Variants in DPP6 observed in about 807,000 individuals in gnomAD.
DPP6 encodes the protein A-type potassium channel modulatory protein DPP6.
DPP6 carries 69 observed loss-of-function variants against 122.6 expected under a neutral mutation model. The ratio of observed to expected loss-of-function variants is 0.56; its 90% confidence interval spans 0.46 to 0.69. The LOEUF is 0.69. DPP6 is among the 30% of genes least tolerant of loss of function. The pLI, the probability that DPP6 is intolerant of heterozygous loss-of-function variation, is 0.00. For missense variants in DPP6, 928 were observed against 1,116.9 expected (o/e 0.83, Z 2.41); for synonymous variants, 418 against 433.1 (o/e 0.97, Z 0.43).
rs1028534891 is a variant in DPP6 at position 154,282,153 on chromosome 7, A to G, written c.244-164061A>G. On this transcript the variant is annotated intron_variant, in intron 1 of 25. Coordinates refer to ENST00000377770, the MANE Select transcript of DPP6 (RefSeq NM_130797.4). The surrounding 1 kb of genome is among the most constrained non-coding windows in gnomAD (Gnocchi z 4.8). The stretch of plus-strand genomic sequence containing the variant: ...CTGGCACAGTGCCTGGCATGTTCTA[A>G]CCATCTATAATTTTATTCTTTTTTC... Among the ~76,000 whole-genome samples the G allele has an allele frequency of 2.0e-5, 3 of 152,090 alleles. No individual in the cohort carries two copies. Among genetic ancestry groups the G allele is most frequent in the South Asian group, 2.1e-4 (1 of 4,802 alleles).
intron 2 of DPP6, among the ~76,000 whole-genome samples, chr7:154,470,629 T>A (rs1822180311): frequency 6.6e-6 from 1 of 152,198 alleles, no homozygotes; most frequent in Non-Finnish European, 1.5e-5. Flanking sequence ...CTGAGAAATT[T>A]GCATTACACA....
chr7:154,883,276 A>ACC (rs200881893), intron 21 of DPP6, among the ~76,000 whole-genome samples: 2 of 128,928 alleles, frequency 1.6e-5, no homozygotes, highest in East Asian at 2.8e-4. Flanking sequence ...TCTCACACAC[A>ACC]TGCTCACACA....
chr7:154,462,826 G>C (rs1452248981), intron 2 of DPP6, among the ~76,000 whole-genome samples: 1 of 126,102 alleles, frequency 7.9e-6, no homozygotes, highest in Non-Finnish European at 1.6e-5. Flanking sequence ...ACAGTCCCCG[G>C]TGTGTGATGT....
At chr7:154,782,008 G>T (rs1797058572) in intron 10 of DPP6, among the ~76,000 whole-genome samples, 1 of 152,174 alleles carries the variant, frequency 6.6e-6, no homozygotes, top group Admixed American at 6.5e-5. Context: ...AGGCACCTTT[G>T]GCCTAGGACT....
intron 1 of DPP6, among the ~76,000 whole-genome samples, chr7:154,239,413 C>T (rs1048872166): frequency 6.6e-6 from 1 of 152,168 alleles, no homozygotes; most frequent in Non-Finnish European, 1.5e-5. Context: ...TCCTCTTCCT[C>T]CTCCTCATCC....
the DPP6 span, among the ~76,000 whole-genome samples, chr7:153,808,121 A>G: frequency 1.3e-5 from 2 of 152,256 alleles, no homozygotes; most frequent in East Asian, 3.9e-4. Context: ...TGTTTTGATA[A>G]ACACATTGTG....
At chr7:154,172,893 G>A (rs1205150529) in intron 1 of DPP6, among the ~76,000 whole-genome samples, 2 of 152,122 alleles carry the variant, frequency 1.3e-5, no homozygotes, top group African/African-American at 2.4e-5. Context: ...GAGCCACTGC[G>A]CCTGGCCCTC....
chr7:154,707,308 G>T (rs917018408), intron 7 of DPP6, among the ~76,000 whole-genome samples: 1 of 152,190 alleles, frequency 6.6e-6, no homozygotes, highest in Non-Finnish European at 1.5e-5. Context: ...CATGAGGCAA[G>T]CACGGCAGGT....
intron 1 of DPP6, among the ~76,000 whole-genome samples, chr7:154,079,284 T>C (rs1442768171): frequency 6.6e-6 from 1 of 152,176 alleles, no homozygotes; most frequent in Non-Finnish European, 1.5e-5. Flanking sequence ...TAGATGCCCT[T>C]AGACTGCCAA....
intron 1 of DPP6, among the ~76,000 whole-genome samples, chr7:154,113,440 A>T (rs1214963002): frequency 6.6e-6 from 1 of 151,284 alleles, no homozygotes. Flanking sequence ...CATACACACA[A>T]CACACACACC....
the DPP6 span, among the ~76,000 whole-genome samples, chr7:153,876,400 C>A: frequency 2.9e-4 from 7 of 24,220 alleles, no homozygotes; most frequent in African/African-American, 1.8e-3. Context: ...TGTTTGAAAA[C>A]AAATCACACA....
chr7:154,354,388 T>C (rs1811109998), intron 1 of DPP6, among the ~76,000 whole-genome samples: 1 of 152,210 alleles, frequency 6.6e-6, no homozygotes, highest in African/African-American at 2.4e-5. Context: ...CTTTACCCTA[T>C]TTTATTGATG....
At chr7:154,288,705 A>G (rs1805010226) in intron 1 of DPP6, among the ~76,000 whole-genome samples, 1 of 152,230 alleles carries the variant, frequency 6.6e-6, no homozygotes, top group Non-Finnish European at 1.5e-5. Flanking sequence ...GTGTCAATAA[A>G]TGTTCAAACC....
intron 6 of DPP6, among the ~76,000 whole-genome samples, chr7:154,654,225 AC>A (rs1219527243): frequency 1.3e-5 from 2 of 152,000 alleles, no homozygotes; most frequent in Non-Finnish European, 2.9e-5. Flanking sequence ...GTGTCCCGGA[AC>A]CAATCTTCCA....
At chr7:154,182,496 G>A (rs1251194260) in intron 1 of DPP6, among the ~76,000 whole-genome samples, 1 of 152,104 alleles carries the variant, frequency 6.6e-6, no homozygotes, top group African/African-American at 2.4e-5. Flanking sequence ...TCTAGAACCT[G>A]TTGACAGGTC....
intron 6 of DPP6, among the ~76,000 whole-genome samples, chr7:154,663,938 C>A (rs1453564205): frequency 9.8e-6 from 1 of 102,162 alleles, no homozygotes; most frequent in African/African-American, 2.8e-5. Flanking sequence ...TTCATGTAGT[C>A]AAGATGAATC....
intron 1 of DPP6, among the ~76,000 whole-genome samples, chr7:154,443,452 C>T (rs1819555739): frequency 6.6e-6 from 1 of 152,154 alleles, no homozygotes; most frequent in African/African-American, 2.4e-5. Flanking sequence ...CCTAACCTGG[C>T]ATAGTAAGCC....
At chr7:154,061,954 C>T (rs115322760) in intron 1 of DPP6, among the ~76,000 whole-genome samples, 2,993 of 105,264 alleles carry the variant, frequency 0.028, 361 homozygotes, top group African/African-American at 0.09. Context: ...GGCAACCCTG[C>T]GAGGGTGGGG....
At chr7:154,467,523 C>T (rs1212782817) in intron 2 of DPP6, among the ~76,000 whole-genome samples, 1 of 152,144 alleles carries the variant, frequency 6.6e-6, no homozygotes, top group Non-Finnish European at 1.5e-5. Context: ...TCCCCTTTTC[C>T]TTCTACCATG....
Sources: gnomAD v4.1 joint callset for allele counts (sites outside exome capture counted in the v4.1 genomes callset) on GRCh38, gnomAD v4.1.1 for gene constraint, Gnocchi (gnomAD v3.1) non-coding constraint, MANE v1.5 for transcripts, NCBI Gene and HGNC (gene_info 2026-07-23, HGNC 2026-07-21) for gene names.